The following SUSD5 variants were observed in gnomAD, a reference collection of about 807,000 sequenced individuals.
SUSD5 encodes the protein sushi domain-containing protein 5.
A neutral mutation model predicts 29.5 loss-of-function variants in SUSD5; 33 were observed. The ratio of observed to expected loss-of-function variants is 1.12; its 90% CI spans 0.85 to 1.49. The LOEUF is 1.49. SUSD5 is among the 40% of genes most tolerant of loss of function. The pLI is 0.00. For synonymous variants in SUSD5, 308 were observed against 325.3 expected, an observed-to-expected ratio of 0.95 and a Z score of 0.57; for missense variants, 776 against 800.6, an observed-to-expected ratio of 0.97 and a Z score of 0.37.
rs1188755229 is a variant in SUSD5 at position 33,151,550 on chromosome 3, T to C, written c.*1192A>G. ...TGTTCGGCCCTCTGAAAACATTTCT[T>C]TTTTTTTTCTCCCGTGTCATTCTCT... is the stretch of plus-strand genomic sequence containing the variant. On this transcript the variant is annotated 3_prime_UTR_variant, in exon 5 of 5. Transcript: ENST00000309558. 2 of 148,864 alleles carry C rather than the reference T, an allele frequency of 1.3e-5. No homozygotes were observed. The highest frequency in any genetic ancestry group is 1.5e-5 in the Non-Finnish European group (1 of 67,730). 9.2% of individuals were successfully genotyped at this position (148,864 alleles called of 1,614,324 possible).
At chr3:33,210,343 G>T (rs1272837199) in intron 2 of SUSD5, among the ~76,000 whole-genome samples, 1 of 152,134 alleles carries the variant, frequency 6.6e-6, no homozygotes, top group Non-Finnish European at 1.5e-5. Context: ...GCCCTGCAAG[G>T]TCCCAACCCA....
intron 3 of SUSD5, among the ~76,000 whole-genome samples, chr3:33,182,646 T>G (rs541562550): frequency 6.6e-6 from 1 of 152,238 alleles, no homozygotes; most frequent in Non-Finnish European, 1.5e-5. Flanking sequence ...CTTCTTAGAA[T>G]ATTGACCTCT....
chr3:33,189,675 T>A (rs2031852456), intron 3 of SUSD5, among the ~76,000 whole-genome samples: 1 of 152,158 alleles, frequency 6.6e-6, no homozygotes, highest in Non-Finnish European at 1.5e-5. Context: ...TAAATCACAC[T>A]AAAATGCCTT....
At chr3:33,186,791 A>G (rs1484685853) in intron 3 of SUSD5, among the ~76,000 whole-genome samples, 1 of 152,156 alleles carries the variant, frequency 6.6e-6, no homozygotes, top group African/African-American at 2.4e-5. Flanking sequence ...TGAATGAAGA[A>G]GTGTGTGGCT....
At position 33,167,464 on chromosome 3, in the gene SUSD5, T is replaced by C. The variant is rs1279475811; in HGVS notation, c.598+7422A>G. 6.6e-6 allele frequency among the ~76,000 whole-genome samples: 1 copy of C among 151,790 alleles called. No homozygotes were observed. The highest frequency in any genetic ancestry group is 1.5e-5 in the Non-Finnish European group (1 of 67,922). On this transcript the variant is annotated intron_variant, in intron 4 of 4. Transcript: ENST00000309558. The surrounding 1 kb of genome is among the most constrained non-coding windows in gnomAD (Gnocchi z 4.1). Reference sequence around the variant, plus strand: ...GGATGTGCATGTGATTGTGTGTGTATGTGTGTGTGTGTCTCTGTATGGGTG... The same window carrying C: ...GGATGTGCATGTGATTGTGTGTGTACGTGTGTGTGTGTCTCTGTATGGGTG...
intron 3 of SUSD5, among the ~76,000 whole-genome samples, chr3:33,197,638 T>C (rs796531204): frequency 9.9e-5 from 15 of 152,266 alleles, no homozygotes; most frequent in African/African-American, 3.6e-4. Context: ...CCCTACTCCA[T>C]ACTACCCCAA....
chr3:33,153,147 C>T lies in SUSD5; in HGVS notation c.1485G>A (p.Leu495=), dbSNP rs755813283. Residue 495 remains leucine, a synonymous_variant, in exon 5 of 5, where the codon CTG becomes CTA. Coordinates refer to ENST00000309558, the MANE Select transcript of SUSD5 (RefSeq NM_015551.2). The part of the protein sequence containing the change: ...TLSYELTSST[L]EILTVNTVKQ... ...TGACAGTGTTCACTGTTAATATCTC[C>T]AGGGTGGAGCTGGTGAGCTCATAGG... 1.7e-5 allele frequency: 28 copies of T among 1,613,684 alleles called. No homozygotes were observed. The highest frequency in any genetic ancestry group is 2.2e-5 in the Non-Finnish European group (26 of 1,179,834).
At chr3:33,179,624 C>T (rs1487868830) in intron 3 of SUSD5, among the ~76,000 whole-genome samples, 8 of 152,128 alleles carry the variant, frequency 5.3e-5, no homozygotes. Context: ...TGGGAGAAGG[C>T]TATAATAGTA....
chr3:33,176,639 A>G (rs557420573), intron 3 of SUSD5, among the ~76,000 whole-genome samples: 14 of 152,356 alleles, frequency 9.2e-5, no homozygotes, highest in African/African-American at 3.4e-4. Flanking sequence ...TCTTTCATGC[A>G]TCATGCCTTT....
At chr3:33,183,050 C>T (rs1380362405) in intron 3 of SUSD5, among the ~76,000 whole-genome samples, 1 of 152,142 alleles carries the variant, frequency 6.6e-6, no homozygotes, top group African/African-American at 2.4e-5. Context: ...CCGCCTTGGC[C>T]TCCCAAAGTG....
At chr3:33,178,730 G>C (rs118059273) in intron 3 of SUSD5, among the ~76,000 whole-genome samples, 1 of 152,144 alleles carries the variant, frequency 6.6e-6, no homozygotes, top group African/African-American at 2.4e-5. Context: ...GAGCCACCGC[G>C]CCTGGCCCGG....
intron 4 of SUSD5, among the ~76,000 whole-genome samples, chr3:33,156,071 C>T (rs1032070824): frequency 9.3e-5 from 14 of 150,376 alleles, no homozygotes; most frequent in Non-Finnish European, 1.8e-4. Context: ...GAGAGAGTCT[C>T]GCTCTGTCTC....
intron 3 of SUSD5, among the ~76,000 whole-genome samples, chr3:33,186,155 A>T (rs973290602): frequency 6.6e-6 from 1 of 151,962 alleles, no homozygotes; most frequent in East Asian, 2.0e-4. Flanking sequence ...ACAAAAAATT[A>T]GCTGGGCGTG....
At chr3:33,157,820 G>A (rs555453967) in intron 4 of SUSD5, among the ~76,000 whole-genome samples, 63 of 152,346 alleles carry the variant, frequency 4.1e-4, no homozygotes, top group African/African-American at 1.5e-3. Context: ...TGAGGCCACC[G>A]TAGATTAGCC....
intron 4 of SUSD5, chr3:33,168,680 C>T (rs752569961): frequency 1.3e-6 from 1 of 754,416 alleles, no homozygotes; most frequent in Admixed American, 6.2e-5. Context: ...GACAGAATCT[C>T]ACTCCGTTGC....
At chr3:33,175,144 C>T in intron 3 of SUSD5, 70 bp from the exon 4 acceptor site, 1 of 1,532,666 alleles carries the variant, frequency 6.5e-7, no homozygotes. Context: ...AGAAAACAGA[C>T]TTAAAACACA....
At chr3:33,164,676 T>C (rs2031267647) in intron 4 of SUSD5, among the ~76,000 whole-genome samples, 1 of 152,064 alleles carries the variant, frequency 6.6e-6, no homozygotes, top group Admixed American at 6.6e-5. Flanking sequence ...TACAAATAAA[T>C]ATAAAATAGC....
intron 3 of SUSD5, among the ~76,000 whole-genome samples, chr3:33,182,909 C>T (rs566156955): frequency 1.3e-5 from 2 of 152,176 alleles, no homozygotes; most frequent in Non-Finnish European, 2.9e-5. Flanking sequence ...GCCTCAGCCT[C>T]CTGAGTAGCT....
chr3:33,177,868 TTTG>T (rs1228587151), intron 3 of SUSD5, among the ~76,000 whole-genome samples: 11 of 152,210 alleles, frequency 7.2e-5, no homozygotes, highest in African/African-American at 2.2e-4. Flanking sequence ...GTTCCAGCTT[TTTG>T]TTGTTGTTGA....
Sources: gnomAD v4.1 joint callset for allele counts (sites outside exome capture counted in the v4.1 genomes callset) on GRCh38, gnomAD v4.1.1 for gene constraint, Gnocchi (gnomAD v3.1) non-coding constraint, MANE v1.5 for transcripts, NCBI Gene and HGNC (gene_info 2026-07-23, HGNC 2026-07-21) for gene names.